The following DDX1 variants were observed in gnomAD, a reference collection of about 807,000 sequenced individuals.
DDX1 encodes the protein ATP-dependent RNA helicase DDX1.
Under a neutral mutation model 108.7 loss-of-function variants are expected in DDX1, and 28 were observed. The ratio of observed to expected loss-of-function variants is 0.26; its 90% CI spans 0.19 to 0.35. The LOEUF (loss-of-function observed/expected upper bound fraction) is 0.35. Ranked by LOEUF, DDX1 falls within the 10% of genes least tolerant of loss-of-function variation. The pLI is 1.00. For missense variants in DDX1, 710 were observed against 884.5 expected, an observed-to-expected ratio of 0.80 and a Z score of 2.50; for synonymous variants, 295 against 288.9, an observed-to-expected ratio of 1.02 and a Z score of -0.21.
At chr2:15,616,877 G>A (rs1330645323) in intron 14 of DDX1, among the ~76,000 whole-genome samples, 1 of 152,198 alleles carries the variant, frequency 6.6e-6, no homozygotes. Flanking sequence ...GGTACTAGAG[G>A]AGATTAAATA....
chr2:15,612,689 C>T (rs1665796184), intron 13 of DDX1, among the ~76,000 whole-genome samples: 1 of 152,112 alleles, frequency 6.6e-6, no homozygotes, highest in African/African-American at 2.4e-5. Context: ...GAGCCGAGAT[C>T]ACGCCACTGC....
intron 18 of DDX1, 98 bp from the exon 19 acceptor site, chr2:15,623,338 G>T: frequency 1.8e-6 from 2 of 1,123,098 alleles, no homozygotes; most frequent in Non-Finnish European, 2.5e-6. Context: ...TTCTTTTTTA[G>T]GAAAATTAAG....
At chr2:15,625,949 T>C (rs900124840) in intron 19 of DDX1, among the ~76,000 whole-genome samples, 11 of 152,242 alleles carry the variant, frequency 7.2e-5, no homozygotes, top group Admixed American at 2.0e-4. Context: ...AGTGACTGTT[T>C]TGTAGTACTT....
intron 19 of DDX1, among the ~76,000 whole-genome samples, chr2:15,623,846 G>A (rs1573050729): frequency 6.6e-6 from 1 of 152,068 alleles, no homozygotes; most frequent in East Asian, 1.9e-4. Flanking sequence ...GAAGGATAAA[G>A]TAATTTATTA....
At position 15,621,123 on chromosome 2, in the gene DDX1, TAA is replaced by T. The variant is rs1665998152; in HGVS notation, c.1447+10_1447+11del. The T allele has an allele frequency of 6.3e-7, 1 of 1,596,930 alleles. No homozygotes were observed. The highest frequency in any genetic ancestry group is 1.3e-5 in the African/African-American group (1 of 74,534). On this transcript the variant is annotated splice_region_variant and intron_variant, in intron 18 of 25. Transcript: ENST00000233084. ...CCTGGTGCTAATAGTCCAGGTGAGT[TAA>T]AAGAGTCAAATGTGTTGAAAGATTT...
intron 16 of DDX1, 45 bp from the exon 17 acceptor site, chr2:15,620,163 T>G (rs747263375): frequency 2.3e-5 from 34 of 1,499,208 alleles, no homozygotes; most frequent in Non-Finnish European, 2.6e-5. Flanking sequence ...ATTTATTAAT[T>G]ATTATTATAA....
At chr2:15,613,581 T>C (rs1253524820) in intron 14 of DDX1, among the ~76,000 whole-genome samples, 1 of 152,050 alleles carries the variant, frequency 6.6e-6, no homozygotes, top group Non-Finnish European at 1.5e-5. Flanking sequence ...TTTGGGGAGA[T>C]AAGTGAAAAA....
chr2:15,598,868 A>C (rs1348715141), intron 5 of DDX1, among the ~76,000 whole-genome samples: 1 of 152,252 alleles, frequency 6.6e-6, no homozygotes, highest in Non-Finnish European at 1.5e-5. Context: ...TGCCAATCTT[A>C]TAAAAAGGCG....
At position 15,628,730 on chromosome 2, in the gene DDX1, T is replaced by C. The variant is rs192125629; in HGVS notation, c.1832+20T>C. The C allele has an allele frequency of 3.6e-3, 5,485 of 1,528,162 alleles. 125 individuals carry two copies. The African/African-American group carries it at 0.056, about 16-fold the overall frequency. The allele number at this position is 1,528,162 out of a possible 1,614,324, so 94.7% of individuals were successfully genotyped here. ...TGAAAGGTACTTCTGCAATTTTTTT[T>C]CCCCCATTTTTAAGCTTGTATGCTT... On this transcript the variant is annotated intron_variant, in intron 22 of 25. Transcript: ENST00000233084.
intron 13 of DDX1, 112 bp downstream of exon 13, chr2:15,607,425 A>G: frequency 2.4e-6 from 2 of 842,214 alleles, no homozygotes; most frequent in South Asian, 3.8e-5. Flanking sequence ...TACATAATAC[A>G]CGTGTGTGAG....
intron 13 of DDX1, among the ~76,000 whole-genome samples, chr2:15,608,974 C>CGGA (rs58025760): frequency 0.24 from 36,416 of 151,950 alleles, 5,347 homozygotes; most frequent in African/African-American, 0.42. Context: ...GTTCATCTAC[C>CGGA]TTCCATATGT....
At chr2:15,614,185 CGT>C (rs1487387565) in intron 14 of DDX1, among the ~76,000 whole-genome samples, 1 of 152,244 alleles carries the variant, frequency 6.6e-6, no homozygotes, top group East Asian at 1.9e-4. Flanking sequence ...AAATATTTTT[CGT>C]GTGTGAAATA....
At chr2:15,629,905 G>A (rs1260042537) in intron 24 of DDX1, 85 bp from the exon 25 acceptor site, 2 of 1,329,264 alleles carry the variant, frequency 1.5e-6, no homozygotes, top group Non-Finnish European at 2.1e-6. Context: ...AAGCATTCTG[G>A]CCTTTCCAGC....
intron 16 of DDX1, among the ~76,000 whole-genome samples, chr2:15,619,625 G>C (rs993258201): frequency 6.6e-6 from 1 of 152,190 alleles, no homozygotes; most frequent in Non-Finnish European, 1.5e-5. Context: ...TATGTAAAAT[G>C]TTTGCTTTAC....
Position 15,621,076 on chromosome 2 carries a change from A to G in DDX1, c.1407A>G (p.Val469=). Residue 469 remains valine (V), a synonymous_variant, in exon 18 of 26, where the codon GTA becomes GTG. Coordinates refer to ENST00000233084, the MANE Select transcript of DDX1 (RefSeq NM_004939.3). ...CTTGCTTTTGATAGACTGATGATGT[A>G]CATGCAAAAGATAACACAAGACCTG... ...LGKSHIRTDD[V]HAKDNTRPGA... 6.2e-7 allele frequency: 1 copy of G among 1,608,506 alleles called. No homozygotes were observed. The highest frequency in any genetic ancestry group is 8.5e-7 in the Non-Finnish European group (1 of 1,175,728).
chr2:15,611,567 C>T (rs1665760602), intron 13 of DDX1, among the ~76,000 whole-genome samples: 1 of 129,676 alleles, frequency 7.7e-6, no homozygotes, highest in Admixed American at 7.3e-5. Context: ...GGGGGGCTGA[C>T]CCCCCGACCT....
chr2:15,595,091 A>G (rs1381551917), intron 1 of DDX1, 54 bp from the exon 2 acceptor site: 13 of 1,365,374 alleles, frequency 9.5e-6, no homozygotes, highest in Middle Eastern at 1.8e-4. Flanking sequence ...TTTGAGAGCA[A>G]TGCAATTTAT....
At chr2:15,601,578 T>C (rs1665589951) in intron 6 of DDX1, among the ~76,000 whole-genome samples, 1 of 152,196 alleles carries the variant, frequency 6.6e-6, no homozygotes, top group Admixed American at 6.5e-5. Context: ...ATGCATAAGC[T>C]GAAGTACAGG....
rs1234008558 is a variant in DDX1, at chr2:15,630,097, A to G, written c.2079A>G (p.Lys693=). 1 of 1,613,490 alleles carries G rather than the reference A, an allele frequency of 6.2e-7. No homozygotes were observed. Among genetic ancestry groups the G allele is most frequent in the Non-Finnish European group, 8.5e-7 (1 of 1,179,742 alleles). ...EFDGKVTYGQ[K]RAAGGGSYKG... is the part of the protein sequence containing the mutation. Reference sequence around the variant, plus strand: ...ATGGGAAAGTTACCTACGGTCAGAAAAGGGCTGCTGGTGGTAAGCTTTGAA... The same window carrying G: ...ATGGGAAAGTTACCTACGGTCAGAAGAGGGCTGCTGGTGGTAAGCTTTGAA... The change falls in exon 25 of 26, where the codon AAA becomes AAG. Residue 693 remains lysine, a synonymous_variant. Transcript: ENST00000233084.
Sources: allele counts gnomAD v4.1 joint callset (sites outside exome capture counted in the v4.1 genomes callset), GRCh38; gene constraint gnomAD v4.1.1; transcripts MANE v1.5; gene names NCBI Gene and HGNC (gene_info 2026-07-23, HGNC 2026-07-21).